Variants in TRIB2 observed in about 807,000 individuals in gnomAD.
TRIB2 encodes tribbles homolog 2.
In TRIB2, 2 loss-of-function variants were observed where a neutral mutation model predicts 26.8. That is an observed-to-expected ratio of 0.07 (90% CI 0.03 to 0.24). The LOEUF (loss-of-function observed/expected upper bound fraction) is 0.24, where lower values mean the gene tolerates loss of function less well. Ranked by LOEUF, TRIB2 falls within the 10% of genes least tolerant of loss-of-function variation. The pLI is 1.00. For synonymous variants in TRIB2, 189 were observed against 187.3 expected (o/e 1.01, Z -0.08); for missense variants, 306 against 449.0 (o/e 0.68, Z 2.88).
chr2:12,724,928 G>T (rs1661305869), intron 2 of TRIB2: 1 of 1,442,906 alleles, frequency 6.9e-7, no homozygotes, highest in Non-Finnish European at 9.2e-7. Flanking sequence ...TTTAATAACT[G>T]CACCTACAAA....
intron 1 of TRIB2, among the ~76,000 whole-genome samples, chr2:12,720,749 G>A (rs1360587862): frequency 6.6e-6 from 1 of 152,184 alleles, no homozygotes; most frequent in African/African-American, 2.4e-5. Flanking sequence ...ACACTATTTG[G>A]AGGAATAGAG....
chr2:12,727,147 C>T (rs1235972602), intron 2 of TRIB2, among the ~76,000 whole-genome samples: 1 of 152,196 alleles, frequency 6.6e-6, no homozygotes, highest in African/African-American at 2.4e-5. Flanking sequence ...TTCTTAGCTA[C>T]CTGATCTTGG....
intron 2 of TRIB2, among the ~76,000 whole-genome samples, chr2:12,734,567 A>G (rs995304528): frequency 6.6e-6 from 1 of 152,110 alleles, no homozygotes; most frequent in Non-Finnish European, 1.5e-5. Context: ...TCTTAATAAT[A>G]AGATCGATCA....
In TRIB2 at chr2:12,740,177, G is replaced by C; in HGVS notation, c.564-149G>C. ...AGCTGGCAGCTAGAAGGTGCTCAGTGAGTAATGTTTGGCTGGTCAGATGAA... is the reference window on the plus strand; with the variant it reads ...AGCTGGCAGCTAGAAGGTGCTCAGTCAGTAATGTTTGGCTGGTCAGATGAA... On this transcript the variant is annotated intron_variant, in intron 2 of 2. Coordinates refer to ENST00000155926, the MANE Select transcript of TRIB2 (RefSeq NM_021643.4). This position sits in a 1 kb window ranked among gnomAD's most constrained non-coding sequence, Gnocchi z 5.8. 1 of 783,206 alleles carries C rather than the reference G, an allele frequency of 1.3e-6. No homozygotes were observed. Among genetic ancestry groups the C allele is most frequent in the South Asian group, 1.8e-5 (1 of 55,124 alleles). 48.5% of individuals were successfully genotyped at this position (783,206 alleles called of 1,614,324 possible).
At chr2:12,720,434 T>A (rs1661179826) in intron 1 of TRIB2, among the ~76,000 whole-genome samples, 3 of 152,202 alleles carry the variant, frequency 2.0e-5, no homozygotes, top group Admixed American at 1.3e-4. Context: ...TTTTCCTGAC[T>A]TTTTACCATA....
chr2:12,721,058 C>T (rs941691308), intron 1 of TRIB2, among the ~76,000 whole-genome samples: 5 of 152,104 alleles, frequency 3.3e-5, no homozygotes, highest in East Asian at 1.9e-4. Context: ...TGATTTTGCA[C>T]GTGAAGATGA....
intron 1 of TRIB2, among the ~76,000 whole-genome samples, chr2:12,721,278 C>T (rs1572477607): frequency 1.3e-5 from 2 of 152,180 alleles, no homozygotes; most frequent in Admixed American, 1.3e-4. Flanking sequence ...TCCAGTTTTT[C>T]AGCAGTGGAG....
At chr2:12,739,652 G>T (rs905591088) in intron 2 of TRIB2, among the ~76,000 whole-genome samples, 3 of 152,166 alleles carry the variant, frequency 2.0e-5, no homozygotes, top group Admixed American at 6.5e-5. Flanking sequence ...CTAAAGAGAG[G>T]CACCTGGTAT....
At chr2:12,724,677 G>A (rs531800454) in intron 2 of TRIB2, 5 of 1,612,782 alleles carry the variant, frequency 3.1e-6, no homozygotes, top group South Asian at 2.2e-5. Context: ...TTTTGCCTTC[G>A]ATACCCTCTG....
intron 1 of TRIB2, among the ~76,000 whole-genome samples, chr2:12,721,925 G>C (rs765327683): frequency 1.3e-5 from 2 of 152,200 alleles, no homozygotes; most frequent in African/African-American, 2.4e-5. Flanking sequence ...ATCCGGTATC[G>C]TGCATGCATT....
At chr2:12,724,873 C>T in intron 2 of TRIB2, 1 of 1,583,602 alleles carries the variant, frequency 6.3e-7, no homozygotes, top group East Asian at 2.2e-5. Flanking sequence ...ACGATACTGA[C>T]AAAGGTATTC....
Position 12,724,216 on chromosome 2 carries a change from C to T in TRIB2, c.563+664C>T, listed in dbSNP as rs148096117. On this transcript the variant is annotated intron_variant, in intron 2 of 2. Transcript: ENST00000155926. ...GGATTTCAGGAAATGTGGGAAAGAC[C>T]GCATTCCAGGTGAGGAAACTGCTGA... Among the ~76,000 whole-genome samples the T allele has an allele frequency of 1.8e-4, 28 of 152,204 alleles. 1 individual carries two copies. In the East Asian group the frequency reaches 4.2e-3, roughly 23 times the overall value.
rs910584748 is a variant in TRIB2, at chr2:12,717,753, G to A, written c.-555G>A. Reference sequence around the variant, plus strand: ...CCACCCTTTCCACCAAAAAAAGGGGGTGCAGCGCGGATTCTGGCTGCCGTG... The same window carrying A: ...CCACCCTTTCCACCAAAAAAAGGGGATGCAGCGCGGATTCTGGCTGCCGTG... On this transcript the variant is annotated 5_prime_UTR_variant, in exon 1 of 3. It adds an upstream start codon to the 5' untranslated region. Coordinates refer to ENST00000155926, the MANE Select transcript of TRIB2 (RefSeq NM_021643.4). This position sits in a 1 kb window ranked among gnomAD's most constrained non-coding sequence, Gnocchi z 4.8. The A allele has an allele frequency of 1.7e-5, 6 of 360,852 alleles. No homozygotes were observed. Among genetic ancestry groups the A allele is most frequent in the Non-Finnish European group, 1.5e-5 (3 of 203,056 alleles). The allele number at this position is 360,852 out of a possible 1,614,324, so 22.4% of individuals were successfully genotyped here.
chr2:12,738,853 A>T (rs537639576), intron 2 of TRIB2, among the ~76,000 whole-genome samples: 2 of 152,270 alleles, frequency 1.3e-5, no homozygotes, highest in East Asian at 3.9e-4. Context: ...TCACTTCCAA[A>T]AGTATTTCCT....
chr2:12,730,457 A>AAC (rs1661430914), intron 2 of TRIB2, among the ~76,000 whole-genome samples: 1 of 152,196 alleles, frequency 6.6e-6, no homozygotes, highest in Non-Finnish European at 1.5e-5. Flanking sequence ...GCAGTTAGGC[A>AAC]ACAGGTGTGC....
rs1661678851 is a variant in TRIB2, at chr2:12,740,020, A to C, written c.564-306A>C. Among the ~76,000 whole-genome samples, 1 of 152,174 alleles carries C rather than the reference A, an allele frequency of 6.6e-6. No individual in the cohort carries two copies. The highest frequency in any genetic ancestry group is 2.1e-4 in the South Asian group (1 of 4,832). ...AGTTAATCTCTTGTTCCCTCATCGC[A>C]GGGGTGATGATGATGTGATTCATGG... On this transcript the variant is annotated intron_variant, in intron 2 of 2. Transcript: ENST00000155926. The surrounding 1 kb of genome is among the most constrained non-coding windows in gnomAD (Gnocchi z 5.8).
chr2:12,740,775 T>C lies in TRIB2; in HGVS notation c.1013T>C (p.Leu338Ser). 1.2e-6 allele frequency: 2 copies of C among 1,613,862 alleles called. No individual in the cohort carries two copies. Among genetic ancestry groups the C allele is most frequent in the South Asian group, 1.1e-5 (1 of 91,070 alleles). ...LVPDVNMEEN[L>S]DPFFN Reference sequence around the variant, plus strand: ...CCGGACGTCAACATGGAAGAGAACTTGGACCCTTTCTTTAACTGAGCTCAT... The same window carrying C: ...CCGGACGTCAACATGGAAGAGAACTCGGACCCTTTCTTTAACTGAGCTCAT... The change falls in exon 3 of 3, where the codon TTG becomes TCG. Residue 338 changes from leucine to serine, a missense_variant. Leu to Ser is a moderately radical substitution (Grantham distance 145). Coordinates refer to ENST00000155926, the MANE Select transcript of TRIB2 (RefSeq NM_021643.4). The surrounding 1 kb of genome is among the most constrained non-coding windows in gnomAD (Gnocchi z 5.8).
chr2:12,723,947 A>G (rs1661281597), intron 2 of TRIB2, among the ~76,000 whole-genome samples: 1 of 152,218 alleles, frequency 6.6e-6, no homozygotes, highest in African/African-American at 2.4e-5. Context: ...CCATGCACTC[A>G]TTCAGTAGCT....
Position 12,718,659 on chromosome 2 carries a change from G to A in TRIB2, c.270+82G>A. On this transcript the variant is annotated intron_variant, in intron 1 of 2. Coordinates refer to ENST00000155926, the MANE Select transcript of TRIB2 (RefSeq NM_021643.4). This position sits in a 1 kb window ranked among gnomAD's most constrained non-coding sequence, Gnocchi z 4.0. ...GCGCCAGGCCCTCGAGTCTGGGAGA[G>A]GGAGATTCGCGGGATAATTACCGTG... 1.3e-6 allele frequency: 2 copies of A among 1,524,434 alleles called. No homozygotes were observed. The highest frequency in any genetic ancestry group is 1.8e-6 in the Non-Finnish European group (2 of 1,128,746). The allele number at this position is 1,524,434 out of a possible 1,614,324, so 94.4% of individuals were successfully genotyped here. A position where few individuals can be genotyped will look rare whatever the true frequency, so the allele number is the denominator to read the frequency against.
Sources: gnomAD v4.1 joint callset for allele counts (sites outside exome capture counted in the v4.1 genomes callset) on GRCh38, gnomAD v4.1.1 for gene constraint, Gnocchi (gnomAD v3.1) non-coding constraint, MANE v1.5 for transcripts, NCBI Gene and HGNC (gene_info 2026-07-23, HGNC 2026-07-21) for gene names.